GRPR: variants seen among roughly 807,000 people sequenced by gnomAD.
GRPR encodes the protein gastrin-releasing peptide receptor.
Under a neutral mutation model 15.6 loss-of-function variants are expected in GRPR, and 4 were observed. The observed-to-expected ratio is 0.26, with a 90% CI of 0.13 to 0.59. The LOEUF is 0.59. Ranked by LOEUF, GRPR falls within the 20% of genes least tolerant of loss-of-function variation. GRPR has a pLI of 0.90. For missense variants in GRPR, 270 were observed against 304.1 expected, an observed-to-expected ratio of 0.89 and a Z score of 0.83; for synonymous variants, 128 against 126.8, an observed-to-expected ratio of 1.01 and a Z score of -0.06.
At chrX:16,127,953 G>A (rs886433112) in intron 1 of GRPR, among the ~76,000 whole-genome samples, 4 of 111,451 alleles carry the variant, frequency 3.6e-5, no homozygotes, top group Non-Finnish European at 7.5e-5. Flanking sequence ...CTTTTATATT[G>A]CTGTTTGGAA....
chrX:16,126,093 C>T (rs1434818457), intron 1 of GRPR, among the ~76,000 whole-genome samples: 2 of 111,471 alleles, frequency 1.8e-5, no homozygotes, highest in South Asian at 3.8e-4. Flanking sequence ...TCAAAGCAGA[C>T]CAAGTTCACC....
chrX:16,136,226 A>G (rs7876221), intron 1 of GRPR, among the ~76,000 whole-genome samples: 5,726 of 111,380 alleles, frequency 0.051, 381 homozygotes, highest in African/African-American at 0.18. Flanking sequence ...ATAGTTACAT[A>G]TGAAACAGAT....
rs1303019370 is a variant in GRPR, at chrX:16,150,443, C to T, written c.552C>T (p.Phe184=). 8.3e-7 allele frequency: 1 copy of T among 1,206,596 alleles called. No individual in the cohort carries two copies. Among genetic ancestry groups the T allele is most frequent in the Non-Finnish European group, 1.1e-6 (1 of 892,550 alleles). Residue 184 remains phenylalanine (F), a synonymous_variant, in exon 2 of 3, where the codon TTC becomes TTT. Transcript: ENST00000380289. ...PEAVFSDLHP[F]HEESTNQTFI... is the part of the protein sequence containing the mutation. ...CCGTGTTTTCTGACCTCCATCCCTT[C>T]CATGAGGAAAGCACCAACCAGACCT...
intron 1 of GRPR, among the ~76,000 whole-genome samples, chrX:16,143,900 A>T (rs943904503): frequency 8.9e-6 from 1 of 111,929 alleles, no homozygotes; most frequent in Admixed American, 9.5e-5. Context: ...GTCGGTAAAG[A>T]ATTGTCTCCT....
At chrX:16,143,314 C>T (rs761904657) in intron 1 of GRPR, among the ~76,000 whole-genome samples, 6 of 112,533 alleles carry the variant, frequency 5.3e-5, no homozygotes, top group Non-Finnish European at 9.4e-5. Context: ...TTACCTCTCC[C>T]TGTTGAGCCA....
intron 1 of GRPR, among the ~76,000 whole-genome samples, chrX:16,146,066 T>C (rs748364809): frequency 9.0e-6 from 1 of 111,642 alleles, no homozygotes; most frequent in Non-Finnish European, 1.9e-5. Flanking sequence ...AGGAAAGCAA[T>C]GGAAAATTTA....
chrX:16,133,283 A>G (rs1432533846), intron 1 of GRPR, among the ~76,000 whole-genome samples: 1 of 111,819 alleles, frequency 8.9e-6, no homozygotes, highest in Non-Finnish European at 1.9e-5. Context: ...TTCCTGGACA[A>G]TGTAAAAATA....
intron 1 of GRPR, among the ~76,000 whole-genome samples, chrX:16,139,777 G>T (rs923550091): frequency 9.0e-6 from 1 of 111,449 alleles, no homozygotes; most frequent in South Asian, 3.8e-4. Context: ...CTGTATGACC[G>T]TGAACAAGTT....
At position 16,153,481 on chromosome X, in the gene GRPR, A is replaced by T. The variant is rs1454381624; in HGVS notation, c.*836A>T. On this transcript the variant is annotated 3_prime_UTR_variant, in exon 3 of 3. Transcript: ENST00000380289. ...GAGCAATCCTTTTAGGAAAAAAAAAATCATGCTATTAATTAATCAAATATC... is the reference window on the plus strand; with the variant it reads ...GAGCAATCCTTTTAGGAAAAAAAAATTCATGCTATTAATTAATCAAATATC... The T allele has an allele frequency of 1.9e-5, 2 of 107,771 alleles. No homozygotes were observed. The highest frequency in any genetic ancestry group is 3.8e-5 in the Non-Finnish European group (2 of 52,003). 8.9% of individuals were successfully genotyped at this position (107,771 alleles called of 1,213,427 possible).
chrX:16,152,883 C>T lies in GRPR; in HGVS notation c.*238C>T. 2 of 408,111 alleles carry T rather than the reference C, an allele frequency of 4.9e-6. No homozygotes were observed. Among genetic ancestry groups the T allele is most frequent in the East Asian group, 7.8e-5 (2 of 25,504 alleles). 33.6% of individuals were successfully genotyped at this position (408,111 alleles called of 1,213,427 possible). A position where few individuals can be genotyped will look rare whatever the true frequency, so the allele number is the denominator to read the frequency against. On this transcript the variant is annotated 3_prime_UTR_variant, in exon 3 of 3. Coordinates refer to ENST00000380289, the MANE Select transcript of GRPR (RefSeq NM_005314.3). The stretch of plus-strand genomic sequence containing the variant: ...TCTTCTGATGTGAAGCAAACCTTCC[C>T]TTTTCAGAAAAGGGAACAAGTAGAA...
chrX:16,136,228 G>T (rs1221734535), intron 1 of GRPR, among the ~76,000 whole-genome samples: 1 of 111,578 alleles, frequency 9.0e-6, no homozygotes, highest in East Asian at 2.8e-4. Context: ...AGTTACATAT[G>T]AAACAGATTT....
chrX:16,151,043 C>T (rs989110746), intron 2 of GRPR, among the ~76,000 whole-genome samples: 6 of 111,852 alleles, frequency 5.4e-5, no homozygotes, highest in Admixed American at 4.7e-4. Context: ...AAGCAGGAGG[C>T]TGGAAAGTGA....
intron 1 of GRPR, among the ~76,000 whole-genome samples, chrX:16,129,128 G>T (rs1922340034): frequency 8.9e-6 from 1 of 111,903 alleles, no homozygotes; most frequent in Admixed American, 9.4e-5. Flanking sequence ...ATTCTTCTTT[G>T]ATTCTATGGA....
At chrX:16,127,019 G>A (rs143673171) in intron 1 of GRPR, among the ~76,000 whole-genome samples, 3,318 of 111,459 alleles carry the variant, frequency 0.03, 133 homozygotes, top group African/African-American at 0.1. Flanking sequence ...TTTCAAGGTG[G>A]TAGTCTGTAT....
chrX:16,140,887 G>C (rs907237018), intron 1 of GRPR, among the ~76,000 whole-genome samples: 3 of 111,529 alleles, frequency 2.7e-5, no homozygotes, highest in Non-Finnish European at 5.7e-5. Context: ...TCCACCTAGA[G>C]CACGGTTAAT....
chrX:16,152,332 A>G lies in GRPR; in HGVS notation c.842A>G (p.His281Arg). The change falls in exon 3 of 3, where the codon CAT (histidine) becomes CGT (arginine). Residue 281 changes from histidine to arginine, a missense_variant. By Grantham distance (29) the His-to-Arg change is conservative. Around this residue, in one of 3 missense-constraint regions of GRPR, gnomAD observed 133 missense variants for 123.4 expected, o/e 1.08. Transcript: ENST00000380289. ...GLFAFCWLPN[H>R]VIYLYRSYHY... ...TTCGCCTTCTGCTGGCTCCCCAATCATGTCATCTACCTGTACCGCTCCTAC... is the reference window on the plus strand; with the variant it reads ...TTCGCCTTCTGCTGGCTCCCCAATCGTGTCATCTACCTGTACCGCTCCTAC... 1.7e-6 allele frequency: 2 copies of G among 1,206,621 alleles called. No individual in the cohort carries two copies. Among genetic ancestry groups the G allele is most frequent in the Non-Finnish European group, 2.2e-6 (2 of 891,299 alleles).
intron 1 of GRPR, among the ~76,000 whole-genome samples, chrX:16,144,836 T>G (rs1018903161): frequency 1.8e-5 from 2 of 111,841 alleles, no homozygotes; most frequent in Non-Finnish European, 3.8e-5. Flanking sequence ...TCTCTCTCAT[T>G]TGTGAGAAGT....
intron 1 of GRPR, among the ~76,000 whole-genome samples, chrX:16,132,118 A>C (rs1922385964): frequency 8.9e-6 from 1 of 112,358 alleles, no homozygotes; most frequent in Non-Finnish European, 1.9e-5. Flanking sequence ...GAATGGATGG[A>C]TGCATGAAGA....
At position 16,150,295 on chromosome X, in the gene GRPR, C is replaced by T; in HGVS notation, c.414-10C>T. On this transcript the variant is annotated splice_polypyrimidine_tract_variant and intron_variant, in intron 1 of 2. Coordinates refer to ENST00000380289, the MANE Select transcript of GRPR (RefSeq NM_005314.3). ...ATGCAACTGATGGGGATGCTTCTTTCCTGCCCTAGATACAAAGCCATTGTC... is the reference window on the plus strand; with the variant it reads ...ATGCAACTGATGGGGATGCTTCTTTTCTGCCCTAGATACAAAGCCATTGTC... The T allele has an allele frequency of 8.1e-6, 9 of 1,117,000 alleles. No homozygotes were observed. The highest frequency in any genetic ancestry group is 1.8e-5 in the South Asian group (1 of 54,906). 92.1% of individuals were successfully genotyped at this position (1,117,000 alleles called of 1,213,427 possible).
Sources: allele counts gnomAD v4.1 joint callset (sites outside exome capture counted in the v4.1 genomes callset), GRCh38; gene constraint gnomAD v4.1.1; regional missense constraint gnomAD v4.1.1; transcripts MANE v1.5; gene names NCBI Gene and HGNC (gene_info 2026-07-23, HGNC 2026-07-21).